Variants in DCLRE1C observed in about 807,000 individuals in gnomAD.
DCLRE1C encodes DNA cross-link repair 1C.
In DCLRE1C, 47 loss-of-function variants were observed where a neutral mutation model predicts 61.4. The ratio of observed to expected loss-of-function variants is 0.77; its 90% CI spans 0.61 to 0.98. The LOEUF (loss-of-function observed/expected upper bound fraction) is 0.98. Among genes scored for constraint, DCLRE1C ranks in the 50% least tolerant of loss-of-function variants. DCLRE1C has a pLI of 0.00. For missense variants in DCLRE1C, 858 were observed against 816.0 expected (o/e 1.05, Z -0.63); for synonymous variants, 337 against 287.6 (o/e 1.17, Z -1.74).
rs750020058 is a variant in DCLRE1C, at chr10:14,908,165, CTTTTTTTT to C, written c.*235_*242del. 7.1e-5 allele frequency: 14 copies of C among 196,334 alleles called. No individual in the cohort carries two copies. Among genetic ancestry groups the C allele is most frequent in the South Asian group, 5.2e-4 (9 of 17,196 alleles). 12.2% of individuals were successfully genotyped at this position (196,334 alleles called of 1,614,324 possible). On this transcript the variant is annotated 3_prime_UTR_variant, in exon 14 of 14. Transcript: ENST00000378278. ...CAGAGTAGCCCACCACCATGCCTGG[CTTTTTTTT>C]TTTTTTTTTTTTTTGTAAGTAGAGA... is the stretch of plus-strand genomic sequence containing the variant.
At chr10:14,954,184 G>T, upstream of DCLRE1C, 2 of 1,144,804 alleles carry the variant, frequency 1.7e-6, no homozygotes, top group Non-Finnish European at 2.5e-6. Context: ...GGAGCATCCG[G>T]TCGGGTTCTA....
intron 12 of DCLRE1C, among the ~76,000 whole-genome samples, chr10:14,921,181 G>A (rs1407544005): frequency 1.3e-5 from 2 of 151,824 alleles, no homozygotes; most frequent in African/African-American, 2.4e-5. Flanking sequence ...TTAGCCGGGC[G>A]TGGTCGCGGG....
At chr10:14,911,664 G>A (rs1835279419) in intron 13 of DCLRE1C, among the ~76,000 whole-genome samples, 1 of 152,128 alleles carries the variant, frequency 6.6e-6, no homozygotes, top group Admixed American at 6.5e-5. Flanking sequence ...ACACCATCAA[G>A]AAGGTGAAAA....
At chr10:14,922,158 G>C (rs1837221705) in intron 12 of DCLRE1C, among the ~76,000 whole-genome samples, 1 of 152,156 alleles carries the variant, frequency 6.6e-6, no homozygotes, top group Non-Finnish European at 1.5e-5. Context: ...AATCATTCAT[G>C]GGCCGGGTGC....
rs754629357 is a variant in DCLRE1C at position 14,908,361 on chromosome 10, T to C, written c.*47A>G. ...CTATTGTAATATTGACTGTCATCTC[T>C]GTGCAGGTTTTTTAGTGGTTGCTCT... is the stretch of plus-strand genomic sequence containing the variant. On this transcript the variant is annotated 3_prime_UTR_variant, in exon 14 of 14. Coordinates refer to ENST00000378278, the MANE Select transcript of DCLRE1C (RefSeq NM_001033855.3). 5.8e-6 allele frequency: 8 copies of C among 1,384,522 alleles called. No homozygotes were observed. The highest frequency in any genetic ancestry group is 7.2e-6 in the Non-Finnish European group (7 of 974,480). The allele number at this position is 1,384,522 out of a possible 1,614,324, so 85.8% of individuals were successfully genotyped here.
chr10:14,908,496 C>G lies in DCLRE1C; in HGVS notation c.1991G>C (p.Arg664Pro). The G allele has an allele frequency of 3.1e-6, 5 of 1,613,952 alleles. No homozygotes were observed. Among genetic ancestry groups the G allele is most frequent in the Non-Finnish European group, 4.2e-6 (5 of 1,179,980 alleles). The change falls in exon 14 of 14, where the codon CGA (arginine) becomes CCA (proline). Residue 664 changes from arginine (R) to proline (P), a missense_variant. Around this residue, in one of 2 missense-constraint regions of DCLRE1C, gnomAD observed 843 missense variants for 783.5 expected, o/e 1.08. Transcript: ENST00000378278. ...CTCATATAAATATTGTAAATGCTCTCGTTTAGGTAACTCAGCTTCTGGAGT... is the reference window on the plus strand; with the variant it reads ...CTCATATAAATATTGTAAATGCTCTGGTTTAGGTAACTCAGCTTCTGGAGT... ...PSTPEAELPK[R>P]EHLQYLYEKL...
intron 6 of DCLRE1C, 79 bp from the exon 7 acceptor site, chr10:14,934,854 G>C (rs1839641323): frequency 1.3e-5 from 13 of 984,158 alleles, no homozygotes; most frequent in Non-Finnish European, 2.1e-5. Context: ...TTGAGATGGA[G>C]TTTCGCTCTG....
chr10:14,952,116 A>T (rs12778197), intron 1 of DCLRE1C, among the ~76,000 whole-genome samples: 6,704 of 152,264 alleles, frequency 0.044, 183 homozygotes, highest in Middle Eastern at 0.054. Context: ...ATGATTTCAA[A>T]TTCCTTTAGA....
intron 9 of DCLRE1C, among the ~76,000 whole-genome samples, chr10:14,930,621 CG>C (rs1838832425): frequency 1.3e-5 from 2 of 152,056 alleles, no homozygotes; most frequent in African/African-American, 4.8e-5. Context: ...TTACTAGAGA[CG>C]GGGTTTTGCC....
At chr10:14,924,106 G>A (rs755181022) in intron 11 of DCLRE1C, among the ~76,000 whole-genome samples, 3 of 152,248 alleles carry the variant, frequency 2.0e-5, no homozygotes, top group Non-Finnish European at 2.9e-5. Context: ...CATCAAGTAC[G>A]AAGCAGAGAA....
In DCLRE1C at chr10:14,945,178, TAAACC is replaced by T. The variant is rs1841484269; in HGVS notation, c.168_172del (p.Val57SerfsTer8). ...CTTAGTCACAGGTGAACAGTATAGA[TAAACC>T]TTCAAGCTGAAAGGAAAAAAGAAAA... On this transcript the variant is annotated frameshift_variant, in exon 3 of 14. Transcript: ENST00000378278. LOFTEE classifies it high-confidence loss of function. 1 of 1,612,610 alleles carries T rather than the reference TAAACC, an allele frequency of 6.2e-7. No individual in the cohort carries two copies. Among genetic ancestry groups the T allele is most frequent in the Non-Finnish European group, 8.5e-7 (1 of 1,179,414 alleles).
Position 14,953,905 on chromosome 10 carries a change from TGTGGCA to T in DCLRE1C, c.100_105del (p.Cys34_His35del), listed in dbSNP as rs757658214. On this transcript the variant is annotated inframe_deletion, in exon 1 of 14. Transcript: ENST00000378278. ...GCGACGCGCAGCCCTCACTCACCTTTGTGGCAGTGGGACAGGAAGTAGGCGCGGGCC... is the reference window on the plus strand; with the variant it reads ...GCGACGCGCAGCCCTCACTCACCTTTGTGGGACAGGAAGTAGGCGCGGGCC... The T allele has an allele frequency of 6.2e-7, 1 of 1,613,976 alleles. No individual in the cohort carries two copies. The highest frequency in any genetic ancestry group is 1.1e-5 in the South Asian group (1 of 91,084).
At chr10:14,921,100 C>T (rs1205665593) in intron 12 of DCLRE1C, among the ~76,000 whole-genome samples, 2 of 151,974 alleles carry the variant, frequency 1.3e-5, no homozygotes, top group African/African-American at 2.4e-5. Context: ...GGGCAGATCA[C>T]GAGAGGTCAA....
intron 11 of DCLRE1C, 25 bp from the exon 12 acceptor site, chr10:14,923,094 T>C (rs765567510): frequency 1.9e-6 from 3 of 1,540,014 alleles, no homozygotes; most frequent in Non-Finnish European, 2.7e-6. Context: ...ATCACATGGA[T>C]CAACAATCTC....
At position 14,905,347 on chromosome 10, in the gene DCLRE1C, C is replaced by CAGGT. The variant is rs1339001096; in HGVS notation, c.*3057_*3060dup. On this transcript the variant is annotated 3_prime_UTR_variant, in exon 14 of 14. Transcript: ENST00000378278. Reference sequence around the variant, plus strand: ...GAAATTTTTGAGCATTGTCACTCACCAGGTACGTAAACATACTATGGTAAG... The same window carrying CAGGT: ...GAAATTTTTGAGCATTGTCACTCACCAGGTAGGTACGTAAACATACTATGGTAAG... Among the ~76,000 whole-genome samples the CAGGT allele has an allele frequency of 2.0e-5, 3 of 152,192 alleles. No individual in the cohort carries two copies. Among genetic ancestry groups the CAGGT allele is most frequent in the Non-Finnish European group, 4.4e-5 (3 of 68,032 alleles).
intron 1 of DCLRE1C, among the ~76,000 whole-genome samples, chr10:14,952,991 G>T (rs530685656): frequency 5.9e-5 from 9 of 152,328 alleles, no homozygotes; most frequent in African/African-American, 1.9e-4. Context: ...CTACTGCGCA[G>T]GTACAGATAG....
intron 9 of DCLRE1C, 48 bp from the exon 10 acceptor site, chr10:14,928,200 A>C (rs1161943703): frequency 1.3e-6 from 2 of 1,570,192 alleles, no homozygotes; most frequent in African/African-American, 1.3e-5. Flanking sequence ...TTTTCTACAA[A>C]TCTGTTGTAG....
At chr10:14,934,810 T>A in intron 6 of DCLRE1C, 35 bp from the exon 7 acceptor site, 1 of 1,498,148 alleles carries the variant, frequency 6.7e-7, no homozygotes, top group Non-Finnish European at 9.3e-7. Flanking sequence ...AGCCATCCAA[T>A]GTGATATAAA....
At chr10:14,899,376 C>T (rs1211292201) in intron 13 of DCLRE1C, 4 of 766,028 alleles carry the variant, frequency 5.2e-6, no homozygotes, top group Admixed American at 2.3e-5. Context: ...CATTTTCCCA[C>T]CTCTTTGCAT....
Sources: gnomAD v4.1 joint callset for allele counts (sites outside exome capture counted in the v4.1 genomes callset) on GRCh38, gnomAD v4.1.1 for gene constraint, gnomAD v4.1.1 regional missense constraint, MANE v1.5 for transcripts, NCBI Gene and HGNC (gene_info 2026-07-23, HGNC 2026-07-21) for gene names.